The following ABCC9 variants were observed in gnomAD, a reference collection of about 807,000 sequenced individuals.
ABCC9 encodes the protein ATP-binding cassette sub-family C member 9.
A neutral mutation model predicts 188.3 loss-of-function variants in ABCC9; 95 were observed. That is an observed-to-expected ratio of 0.50 (90% confidence interval 0.43 to 0.60). The LOEUF is 0.60. ABCC9 is among the 20% of genes least tolerant of loss of function. ABCC9 has a pLI of 0.00. For missense variants in ABCC9, 1,102 were observed against 1,876.3 expected, an observed-to-expected ratio of 0.59 and a Z score of 7.62; for synonymous variants, 659 against 652.7, an observed-to-expected ratio of 1.01 and a Z score of -0.15.
intron 2 of ABCC9, among the ~76,000 whole-genome samples, chr12:21,937,867 G>A (rs1949553816): frequency 6.6e-6 from 1 of 152,038 alleles, no homozygotes; most frequent in Non-Finnish European, 1.5e-5. Context: ...CCTCCAACCT[G>A]CTTTTTAAAG....
intron 12 of ABCC9, among the ~76,000 whole-genome samples, chr12:21,901,897 A>G (rs1238926154): frequency 6.6e-6 from 1 of 152,206 alleles, no homozygotes; most frequent in Non-Finnish European, 1.5e-5. Flanking sequence ...CAGATCAACA[A>G]GACAGAAAGT....
chr12:21,906,200 C>T lies in ABCC9; in HGVS notation c.1544G>A (p.Cys515Tyr). ...CATTCTTGTTTCCTCCACACTTTTGCAGAAAATGTGTTCCCAGGCATACAA... is the reference window on the plus strand; with the variant it reads ...CATTCTTGTTTCCTCCACACTTTTGTAGAAAATGTGTTCCCAGGCATACAA... ...LKLYAWEHIFCKSVEETRMKE... is the reference protein window; with the variant it reads ...LKLYAWEHIFYKSVEETRMKE... The change falls in exon 12 of 40, where the codon TGC becomes TAC. Residue 515 changes from cysteine (C) to tyrosine (Y), a missense_variant. This residue lies in a region of ABCC9 where 258 missense variants were observed against 325.6 expected (regional missense o/e 0.79). Transcript: ENST00000261200. 6.2e-7 allele frequency: 1 copy of T among 1,613,136 alleles called. No individual in the cohort carries two copies. Among genetic ancestry groups the T allele is most frequent in the Non-Finnish European group, 8.5e-7 (1 of 1,179,384 alleles).
Position 21,882,804 on chromosome 12 carries a change from G to T in ABCC9, c.1981C>A (p.Arg661Ser). 1 of 1,613,892 alleles carries T rather than the reference G, an allele frequency of 6.2e-7. No homozygotes were observed. Among genetic ancestry groups the T allele is most frequent in the South Asian group, 1.1e-5 (1 of 91,076 alleles). ...HLDSYEQSTR[R>S]LRPAETEDIA... ...TCCTCTGTTTCTGCGGGACGTAGACGCCGTGTTGATTGCTCATAGCTGTCC... is the reference window on the plus strand; with the variant it reads ...TCCTCTGTTTCTGCGGGACGTAGACTCCGTGTTGATTGCTCATAGCTGTCC... Residue 661 changes from arginine (R) to serine (S), a missense_variant, in exon 16 of 40, where the codon CGT becomes AGT. Arg to Ser is a moderately radical substitution (Grantham distance 110, BLOSUM62 -1). This residue lies in a region of ABCC9 where 258 missense variants were observed against 325.6 expected (regional missense o/e 0.79). Transcript: ENST00000261200.
intron 20 of ABCC9, 50 bp downstream of exon 20, chr12:21,862,903 G>T: frequency 8.4e-7 from 1 of 1,183,936 alleles, no homozygotes; most frequent in Non-Finnish European, 1.3e-6. Context: ...AAACACACGA[G>T]TCAGAAAGAG....
intron 28 of ABCC9, among the ~76,000 whole-genome samples, chr12:21,843,613 A>G (rs1565728553): frequency 6.6e-6 from 1 of 152,202 alleles, no homozygotes; most frequent in Non-Finnish European, 1.5e-5. Context: ...TATCTTATGT[A>G]GATACTCTGC....
chr12:21,814,256 C>G (rs556375692), intron 35 of ABCC9, among the ~76,000 whole-genome samples: 15 of 152,104 alleles, frequency 9.9e-5, no homozygotes, highest in Admixed American at 2.6e-4. Context: ...GATTACTTAC[C>G]TCCTTGTACT....
At chr12:21,813,040 A>G (rs1425444521) in intron 35 of ABCC9, among the ~76,000 whole-genome samples, 2 of 151,940 alleles carry the variant, frequency 1.3e-5, no homozygotes, top group Non-Finnish European at 2.9e-5. Context: ...ATTTCTCTCT[A>G]TGGGATTTAT....
chr12:21,843,704 T>C lies in ABCC9; in HGVS notation c.3315+779A>G, dbSNP rs1443417331. ...ATGTCATCTTCTAAATAATGAGTGA[T>C]TCATTTCTTCTTTTCTAATGTGTAT... On this transcript the variant is annotated intron_variant, in intron 28 of 39. Transcript: ENST00000261200. Among the ~76,000 whole-genome samples, 3 of 152,344 alleles carry C rather than the reference T, an allele frequency of 2.0e-5. No individual in the cohort carries two copies. In the East Asian group the frequency reaches 5.8e-4, roughly 29 times the overall value.
intron 31 of ABCC9, among the ~76,000 whole-genome samples, chr12:21,823,999 G>A (rs975728291): frequency 1.1e-4 from 16 of 152,152 alleles, no homozygotes; most frequent in Admixed American, 2.0e-4. Flanking sequence ...AAATGAATAT[G>A]ATATGAATAT....
chr12:21,910,043 T>C (rs1395361748), intron 10 of ABCC9, 114 bp downstream of exon 10: 1 of 997,560 alleles, frequency 1.0e-6, no homozygotes, highest in African/African-American at 1.6e-5. Flanking sequence ...TATAAAAGAG[T>C]GTAATATTTG....
chr12:21,912,853 A>C lies in ABCC9; in HGVS notation c.1011+19T>G. 1 of 1,610,328 alleles carries C rather than the reference A, an allele frequency of 6.2e-7. No individual in the cohort carries two copies. ...ATCCATCAATAATATGTTTCCATTG[A>C]AAATCACCAGGAACTTACTCCAGTT... On this transcript the variant is annotated intron_variant, in intron 8 of 39. Coordinates refer to ENST00000261200, the MANE Select transcript of ABCC9 (RefSeq NM_020297.4).
At position 21,852,205 on chromosome 12, in the gene ABCC9, A is replaced by G. The variant is rs545923015; in HGVS notation, c.2661T>C (p.Asp887=). 5.6e-6 allele frequency: 9 copies of G among 1,613,868 alleles called. No homozygotes were observed. Among genetic ancestry groups the G allele is most frequent in the South Asian group, 5.5e-5 (5 of 91,070 alleles). The change falls in exon 24 of 40, where the codon GAT becomes GAC. Residue 887 remains aspartate (D), a synonymous_variant. Transcript: ENST00000261200. ...THADWIIAMK[D]GSVLREGTLK... ...AAGTTCCTTCTCTTAGGACACTTCC[A>G]TCTTTCATGGCTATGATCTAAGGAA... is the stretch of plus-strand genomic sequence containing the variant.
Position 21,801,014 on chromosome 12 carries a change from T to TA in ABCC9, c.*29dup, listed in dbSNP as rs1565674658. On this transcript the variant is annotated 3_prime_UTR_variant, in exon 40 of 40. Coordinates refer to ENST00000261200, the MANE Select transcript of ABCC9 (RefSeq NM_020297.4). Reference sequence around the variant, plus strand: ...TAATTAGGTTATGACTGCATTATTTTAAATACATGTATTGTTTTAAGACAC... The same window carrying TA: ...TAATTAGGTTATGACTGCATTATTTTAAAATACATGTATTGTTTTAAGACAC... The TA allele has an allele frequency of 6.2e-7, 1 of 1,612,906 alleles. No homozygotes were observed.
chr12:21,867,454 G>A (rs1945836243), intron 18 of ABCC9, among the ~76,000 whole-genome samples: 1 of 152,122 alleles, frequency 6.6e-6, no homozygotes. Context: ...GAATTTGTGT[G>A]TATTTTCCTC....
chr12:21,824,885 C>T (rs1274859789), intron 31 of ABCC9, among the ~76,000 whole-genome samples: 1 of 151,782 alleles, frequency 6.6e-6, no homozygotes, highest in African/African-American at 2.4e-5. Flanking sequence ...TTTCTCTTTT[C>T]TTCTTTATTA....
chr12:21,826,710 T>C (rs905077425), intron 31 of ABCC9, among the ~76,000 whole-genome samples: 1 of 152,166 alleles, frequency 6.6e-6, no homozygotes, highest in Non-Finnish European at 1.5e-5. Context: ...CCATATAAAG[T>C]TACTGACATA....
intron 30 of ABCC9, 126 bp from the exon 31 acceptor site, chr12:21,829,186 G>GTTTT: frequency 2.0e-5 from 4 of 195,578 alleles, no homozygotes; most frequent in East Asian, 2.1e-4. Context: ...TCAGTAAATA[G>GTTTT]ATTTCTTTTT....
chr12:21,877,853 G>C (rs1375878399), intron 16 of ABCC9, among the ~76,000 whole-genome samples: 1 of 152,174 alleles, frequency 6.6e-6, no homozygotes, highest in Non-Finnish European at 1.5e-5. Flanking sequence ...TAATAACTCT[G>C]TGGCCATGCT....
rs765382139 is a variant in ABCC9 at position 21,936,669 on chromosome 12, G to A, written c.6C>T (p.Ser2=). The change falls in exon 3 of 40, where the codon AGC becomes AGT. Residue 2 remains serine (S), a synonymous_variant. Coordinates refer to ENST00000261200, the MANE Select transcript of ABCC9 (RefSeq NM_020297.4). ...AAATGTTGTTACCACAAAATGAAAG[G>A]CTCATTTCTTCTTATATGGTTTACT... M[S]LSFCGNNISS... is the part of the protein sequence containing the mutation. The A allele has an allele frequency of 1.1e-5, 18 of 1,608,406 alleles. 1 individual carries two copies. The South Asian group carries it at 1.9e-4, about 17-fold the overall frequency.
Sources: allele counts gnomAD v4.1 joint callset (sites outside exome capture counted in the v4.1 genomes callset), GRCh38; gene constraint gnomAD v4.1.1; regional missense constraint gnomAD v4.1.1; transcripts MANE v1.5; gene names NCBI Gene and HGNC (gene_info 2026-07-23, HGNC 2026-07-21).